The following SPECC1L variants were observed in gnomAD, a reference collection of about 807,000 sequenced individuals.
SPECC1L encodes cytospin-A.
In SPECC1L, 40 loss-of-function variants were observed where a neutral mutation model predicts 116.8. The observed-to-expected ratio is 0.34, with a 90% confidence interval of 0.27 to 0.45. The LOEUF is 0.45. SPECC1L is among the 20% of genes least tolerant of loss of function. The pLI, the probability that SPECC1L is intolerant of heterozygous loss-of-function variation, is 1.00. For missense variants in SPECC1L, 1,110 were observed against 1,373.6 expected (o/e 0.81, Z 3.03); for synonymous variants, 504 against 500.6 (o/e 1.01, Z -0.09).
chr22:24,346,266 G>A (rs765488749), intron 10 of SPECC1L, among the ~76,000 whole-genome samples: 3 of 152,072 alleles, frequency 2.0e-5, no homozygotes, highest in Non-Finnish European at 2.9e-5. Context: ...TCAGCCTCCC[G>A]AAGTGCTGGG....
chr22:24,308,500 A>G (rs2049547083), intron 3 of SPECC1L, among the ~76,000 whole-genome samples: 1 of 152,208 alleles, frequency 6.6e-6, no homozygotes, highest in African/African-American at 2.4e-5. Context: ...AATACCACAG[A>G]AGTGTATGGA....
chr22:24,331,846 G>T (rs2040945186), intron 8 of SPECC1L, among the ~76,000 whole-genome samples: 1 of 151,928 alleles, frequency 6.6e-6, no homozygotes, highest in Non-Finnish European at 1.5e-5. Context: ...TTTAATGTAG[G>T]TTTCACTTAA....
intron 14 of SPECC1L, among the ~76,000 whole-genome samples, chr22:24,391,839 T>C (rs1490895019): frequency 6.6e-6 from 1 of 152,254 alleles, no homozygotes; most frequent in Non-Finnish European, 1.5e-5. Context: ...TCTTTTTCCA[T>C]TTAACTTCCA....
intron 2 of SPECC1L, among the ~76,000 whole-genome samples, chr22:24,277,354 T>C (rs2048856545): frequency 6.6e-6 from 1 of 152,242 alleles, no homozygotes; most frequent in Admixed American, 6.5e-5. Context: ...TAAGCGTATA[T>C]TAACAAAATC....
At chr22:24,285,920 G>C (rs1185952426) in intron 2 of SPECC1L, among the ~76,000 whole-genome samples, 1 of 152,264 alleles carries the variant, frequency 6.6e-6, no homozygotes. Flanking sequence ...GATTACAGGC[G>C]TGAGCTACCG....
At chr22:24,358,674 A>G (rs763540788) in intron 11 of SPECC1L, among the ~76,000 whole-genome samples, 7 of 152,192 alleles carry the variant, frequency 4.6e-5, no homozygotes, top group South Asian at 2.1e-4. Flanking sequence ...TCACTTTCCA[A>G]CTGCTATGGT....
At chr22:24,300,060 G>T (rs1338801860) in intron 2 of SPECC1L, among the ~76,000 whole-genome samples, 1 of 152,082 alleles carries the variant, frequency 6.6e-6, no homozygotes, top group African/African-American at 2.4e-5. Context: ...GAACATGCAG[G>T]TTTGTTACAT....
intron 15 of SPECC1L, 167 bp from the exon 16 acceptor site, chr22:24,412,481 G>T: frequency 2.8e-6 from 2 of 703,974 alleles, no homozygotes; most frequent in South Asian, 3.1e-5. Context: ...CTAGTGCAGG[G>T]TACTTGGTGC....
intron 14 of SPECC1L, among the ~76,000 whole-genome samples, chr22:24,408,384 C>T (rs1051099880): frequency 1.3e-5 from 2 of 152,238 alleles, no homozygotes; most frequent in Admixed American, 6.5e-5. Context: ...GCGGGCCAGG[C>T]CTCTTGGGAA....
At chr22:24,394,791 C>T (rs1255191160) in intron 14 of SPECC1L, among the ~76,000 whole-genome samples, 1 of 152,170 alleles carries the variant, frequency 6.6e-6, no homozygotes, top group Non-Finnish European at 1.5e-5. Flanking sequence ...AGCATCTTTC[C>T]ACATGCTTAT....
intron 14 of SPECC1L, 23 bp downstream of exon 14, chr22:24,369,343 C>T (rs1328791128): frequency 1.3e-6 from 2 of 1,572,900 alleles, no homozygotes; most frequent in Admixed American, 1.7e-5. Context: ...TTCTTTTGTC[C>T]CATGTGAGTA....
rs542321430 is a variant in SPECC1L at position 24,331,496 on chromosome 22, T to C, written c.2396+1065T>C. On this transcript the variant is annotated intron_variant, in intron 8 of 16. Coordinates refer to ENST00000314328, the MANE Select transcript of SPECC1L (RefSeq NM_015330.6). ...TGCTTCATTCTATAGTTATCCTGAGTGAATGAAATTCTACTGTTAAAGTTT... is the reference window on the plus strand; with the variant it reads ...TGCTTCATTCTATAGTTATCCTGAGCGAATGAAATTCTACTGTTAAAGTTT... Among the ~76,000 whole-genome samples the C allele has an allele frequency of 2.6e-5, 4 of 152,328 alleles. No homozygotes were observed. The East Asian group carries it at 7.7e-4, about 29-fold the overall frequency.
intron 14 of SPECC1L, among the ~76,000 whole-genome samples, chr22:24,407,463 G>C (rs546377796): frequency 6.6e-6 from 1 of 152,298 alleles, no homozygotes; most frequent in South Asian, 2.1e-4. Flanking sequence ...CCTCTGCCTC[G>C]AGGCGCTGTG....
At chr22:24,331,460 CAT>C (rs1601566183) in intron 8 of SPECC1L, among the ~76,000 whole-genome samples, 1 of 152,138 alleles carries the variant, frequency 6.6e-6, no homozygotes, top group African/African-American at 2.4e-5. Context: ...AAACGAATAA[CAT>C]ATCAGAAATG....
rs866841567 is a variant in SPECC1L, at chr22:24,289,699, T to C, written c.-37-12496T>C. 7.5e-3 allele frequency among the ~76,000 whole-genome samples: 1,097 copies of C among 145,568 alleles called. 6 individuals carry two copies. Among genetic ancestry groups the C allele is most frequent in the South Asian group, 0.013 (61 of 4,668 alleles). Reference sequence around the variant, plus strand: ...TTGGTATTACTGATAACTACCTCCTTTTTTTTTTTTTTTAGCATCCTATGT... The same window carrying C: ...TTGGTATTACTGATAACTACCTCCTCTTTTTTTTTTTTTAGCATCCTATGT... On this transcript the variant is annotated intron_variant, in intron 2 of 16. Transcript: ENST00000314328.
intron 2 of SPECC1L, among the ~76,000 whole-genome samples, chr22:24,298,073 AC>A (rs1247981709): frequency 1.3e-5 from 2 of 152,158 alleles, no homozygotes; most frequent in South Asian, 2.1e-4. Context: ...AGATTTTTCA[AC>A]TTTATGATGG....
intron 2 of SPECC1L, among the ~76,000 whole-genome samples, chr22:24,291,255 T>C (rs2049150068): frequency 6.6e-6 from 1 of 152,192 alleles, no homozygotes; most frequent in African/African-American, 2.4e-5. Context: ...AAAGTACAGA[T>C]TATGAAATGA....
At position 24,414,656 on chromosome 22, in the gene SPECC1L, G is replaced by T. The variant is rs2042769508; in HGVS notation, c.*33G>T. ...GGGAGGAGCCGCCCCAATAGCGGGG[G>T]TACCCCTCCACAGCGACCGAGCGAC... is the stretch of plus-strand genomic sequence containing the variant. On this transcript the variant is annotated 3_prime_UTR_variant, in exon 17 of 17. Transcript: ENST00000314328. 3.1e-6 allele frequency: 5 copies of T among 1,597,058 alleles called. No individual in the cohort carries two copies. Among genetic ancestry groups the T allele is most frequent in the African/African-American group, 1.3e-5 (1 of 74,612 alleles).
At chr22:24,360,148 A>ATATC (rs2041615015) in intron 11 of SPECC1L, among the ~76,000 whole-genome samples, 1 of 152,368 alleles carries the variant, frequency 6.6e-6, no homozygotes, top group Admixed American at 6.5e-5. Context: ...TGTAAACATA[A>ATATC]TATCTCCTGC....
Sources: allele counts gnomAD v4.1 joint callset (sites outside exome capture counted in the v4.1 genomes callset), GRCh38; gene constraint gnomAD v4.1.1; transcripts MANE v1.5; gene names NCBI Gene and HGNC (gene_info 2026-07-23, HGNC 2026-07-21).